The following ARHGEF10 variants were observed in gnomAD, a reference collection of about 807,000 sequenced individuals.
ARHGEF10 encodes the protein Rho guanine nucleotide exchange factor (GEF) 10.
A neutral mutation model predicts 147.4 loss-of-function variants in ARHGEF10; 140 were observed. The observed-to-expected ratio is 0.95, with a 90% CI of 0.83 to 1.09. The LOEUF is 1.09. ARHGEF10 is among the 50% of genes least tolerant of loss of function. The pLI, the probability that ARHGEF10 is intolerant of heterozygous loss-of-function variation, is 0.00. For missense variants in ARHGEF10, 2,222 were observed against 1,752.7 expected (o/e 1.27, Z -4.78); for synonymous variants, 902 against 695.8 (o/e 1.30, Z -4.67).
intron 18 of ARHGEF10, among the ~76,000 whole-genome samples, chr8:1,920,068 T>C (rs1214965573): frequency 6.7e-6 from 1 of 149,144 alleles, no homozygotes; most frequent in Admixed American, 6.6e-5. Flanking sequence ...GATGGAGCTG[T>C]TCTGTGGGTG....
chr8:1,855,117 G>A (rs1805452540), intron 2 of ARHGEF10, among the ~76,000 whole-genome samples: 1 of 152,132 alleles, frequency 6.6e-6, no homozygotes, highest in Non-Finnish European at 1.5e-5. Context: ...TACAGTGTGG[G>A]TTCCGGTCCC....
intron 10 of ARHGEF10, 27 bp from the exon 11 acceptor site, chr8:1,885,574 T>G: frequency 6.8e-7 from 1 of 1,472,724 alleles, no homozygotes; most frequent in Non-Finnish European, 9.5e-7. Context: ...GAATGTAAAA[T>G]TCATGCATTT....
In ARHGEF10 at chr8:1,854,416, G is replaced by A. The variant is rs187774428; in HGVS notation, c.38-3544G>A. On this transcript the variant is annotated intron_variant, in intron 2 of 28. Coordinates refer to ENST00000349830, the MANE Select transcript of ARHGEF10 (RefSeq NM_014629.4). ...TTGAGCACAACTTCTTTGAGTTCTT[G>A]TAGAAAGGCTATTTTTTTCTTACTG... 6.0e-4 allele frequency among the ~76,000 whole-genome samples: 91 copies of A among 152,354 alleles called. 1 individual carries two copies. Among genetic ancestry groups the A allele is most frequent in the Non-Finnish European group, 3.1e-4 (21 of 68,044 alleles).
At chr8:1,861,356 C>T (rs556791433) in intron 4 of ARHGEF10, among the ~76,000 whole-genome samples, 2 of 152,330 alleles carry the variant, frequency 1.3e-5, no homozygotes, top group South Asian at 4.1e-4. Flanking sequence ...GGGCCTCCTG[C>T]CGGCCCTGCT....
chr8:1,946,833 C>T (rs988885256), intron 27 of ARHGEF10, among the ~76,000 whole-genome samples: 8 of 152,090 alleles, frequency 5.3e-5, no homozygotes, highest in South Asian at 2.1e-4. Context: ...TCGGGGCCTC[C>T]GTGTCCCCGC....
At chr8:1,880,973 C>A (rs1393595034) in intron 9 of ARHGEF10, among the ~76,000 whole-genome samples, 1 of 152,214 alleles carries the variant, frequency 6.6e-6, no homozygotes, top group East Asian at 1.9e-4. Flanking sequence ...GGCTGGCTCC[C>A]CTGCAGGGTG....
chr8:1,954,151 T>C (rs1815290275), intron 28 of ARHGEF10, among the ~76,000 whole-genome samples: 1 of 152,170 alleles, frequency 6.6e-6, no homozygotes, highest in Non-Finnish European at 1.5e-5. Context: ...CGGAGTCCAG[T>C]GGCACAGTCT....
At chr8:1,938,457 A>G (rs1258531914) in intron 26 of ARHGEF10, among the ~76,000 whole-genome samples, 1 of 152,226 alleles carries the variant, frequency 6.6e-6, no homozygotes, top group Non-Finnish European at 1.5e-5. Flanking sequence ...GATGGAAGGA[A>G]GGAAAGAGAG....
intron 14 of ARHGEF10, among the ~76,000 whole-genome samples, chr8:1,897,930 T>C (rs1304503014): frequency 1.3e-5 from 2 of 152,150 alleles, no homozygotes; most frequent in Admixed American, 6.5e-5. Context: ...AGGTCTGTGC[T>C]GTCTGCCCTC....
chr8:1,829,672 C>G (rs903812132), intron 1 of ARHGEF10, among the ~76,000 whole-genome samples: 2 of 152,196 alleles, frequency 1.3e-5, no homozygotes, highest in African/African-American at 4.8e-5. Context: ...ATTCCTTTCT[C>G]TGGAAGCTGT....
Position 1,909,363 on chromosome 8 carries a change from A to C in ARHGEF10, c.2036A>C (p.His679Pro). ...CTGAAGTGGAGCGTTCCACTGGGAC[A>C]TGTGGACGCCATCGAGTATGGCAGC... The part of the protein sequence containing the change: ...YLLKWSVPLG[H>P]VDAIEYGSSA... Residue 679 changes from histidine (H) to proline (P), a missense_variant, in exon 18 of 29, where the codon CAT (histidine) becomes CCT (proline). His to Pro is a moderately conservative substitution (Grantham distance 77). Coordinates refer to ENST00000349830, the MANE Select transcript of ARHGEF10 (RefSeq NM_014629.4). 1 of 1,614,234 alleles carries C rather than the reference A, an allele frequency of 6.2e-7. No individual in the cohort carries two copies. Among genetic ancestry groups the C allele is most frequent in the Non-Finnish European group, 8.5e-7 (1 of 1,180,038 alleles).
rs577959281 is a variant in ARHGEF10 at position 1,855,530 on chromosome 8, C to T, written c.38-2430C>T. Among the ~76,000 whole-genome samples, 24 of 151,932 alleles carry T rather than the reference C, an allele frequency of 1.6e-4. No homozygotes were observed. The South Asian group carries it at 3.9e-3, about 25-fold the overall frequency. The stretch of plus-strand genomic sequence containing the variant: ...CGGAGTAGGTGGGACCACAGGTCCA[C>T]GCCTTCACCCCAGGCTAATTTTTGT... On this transcript the variant is annotated intron_variant, in intron 2 of 28. Coordinates refer to ENST00000349830, the MANE Select transcript of ARHGEF10 (RefSeq NM_014629.4).
chr8:1,876,388 G>T, intron 7 of ARHGEF10, 183 bp from the exon 8 acceptor site: 1 of 655,642 alleles, frequency 1.5e-6, no homozygotes, highest in Non-Finnish European at 2.7e-6. Context: ...GCCCTGCCCG[G>T]GTGGTGGAGG....
chr8:1,905,426 G>C, intron 16 of ARHGEF10, 145 bp from the exon 17 acceptor site: 2 of 985,696 alleles, frequency 2.0e-6, no homozygotes, highest in South Asian at 2.6e-5. Flanking sequence ...GATGTTCAGC[G>C]CAGTCACGGG....
chr8:1,826,034 C>G, intron 1 of ARHGEF10: 1 of 1,334,330 alleles, frequency 7.5e-7, no homozygotes, highest in Non-Finnish European at 1.0e-6. Flanking sequence ...TTGTCCCTGT[C>G]TGTCTCTCAC....
intron 7 of ARHGEF10, among the ~76,000 whole-genome samples, chr8:1,875,526 G>A (rs1048267023): frequency 1.1e-4 from 16 of 152,186 alleles, no homozygotes; most frequent in South Asian, 6.2e-4. Flanking sequence ...CTGGGTGCCC[G>A]GGTGGTGATC....
chr8:1,906,312 G>A (rs1464556187), intron 17 of ARHGEF10, among the ~76,000 whole-genome samples: 1 of 152,140 alleles, frequency 6.6e-6, no homozygotes, highest in African/African-American at 2.4e-5. Context: ...AAGCGAACGT[G>A]GTGCCAATTC....
chr8:1,856,890 C>T (rs141316306), intron 2 of ARHGEF10, among the ~76,000 whole-genome samples: 24 of 152,296 alleles, frequency 1.6e-4, no homozygotes, highest in African/African-American at 5.5e-4. Flanking sequence ...GGGTTCCTCT[C>T]GCTCCTGGGT....
At chr8:1,877,081 A>C (rs1411773093) in intron 8 of ARHGEF10, among the ~76,000 whole-genome samples, 1 of 152,220 alleles carries the variant, frequency 6.6e-6, no homozygotes, top group Non-Finnish European at 1.5e-5. Context: ...AATAGATGGG[A>C]TCGGGGTTCC....
Sources: gnomAD v4.1 joint callset for allele counts (sites outside exome capture counted in the v4.1 genomes callset) on GRCh38, gnomAD v4.1.1 for gene constraint, MANE v1.5 for transcripts, NCBI Gene and HGNC (gene_info 2026-07-23, HGNC 2026-07-21) for gene names.